Variants in COG5 observed in about 807,000 individuals in gnomAD.
The protein encoded by COG5 is conserved oligomeric Golgi complex subunit 5.
Under a neutral mutation model 110.4 loss-of-function variants are expected in COG5, and 86 were observed. The ratio of observed to expected loss-of-function variants is 0.78; its 90% CI spans 0.65 to 0.93. The LOEUF is 0.93. COG5 is among the 40% of genes least tolerant of loss of function. The pLI, the probability that COG5 is intolerant of heterozygous loss-of-function variation, is 0.00. For synonymous variants in COG5, 360 were observed against 334.6 expected, an observed-to-expected ratio of 1.08 and a Z score of -0.83; for missense variants, 1,077 against 987.0, an observed-to-expected ratio of 1.09 and a Z score of -1.22.
chr7:107,290,434 T>C (rs954073821), intron 12 of COG5, among the ~76,000 whole-genome samples: 1 of 152,212 alleles, frequency 6.6e-6, no homozygotes, highest in African/African-American at 2.4e-5. Flanking sequence ...ATACAGTCGA[T>C]ACATATTATT....
intron 19 of COG5, among the ~76,000 whole-genome samples, chr7:107,229,374 G>A (rs1344735285): frequency 1.3e-5 from 2 of 152,052 alleles, no homozygotes; most frequent in African/African-American, 2.4e-5. Flanking sequence ...GCTTGAACCC[G>A]GGAGGTGGAA....
intron 7 of COG5, among the ~76,000 whole-genome samples, chr7:107,411,212 G>A (rs188875440): frequency 4.1e-4 from 63 of 152,220 alleles, no homozygotes; most frequent in Admixed American, 2.4e-3. Context: ...CAAATCCAGC[G>A]GCCACTTCTT....
chr7:107,367,585 C>T (rs1385945121), intron 8 of COG5, among the ~76,000 whole-genome samples: 2 of 151,758 alleles, frequency 1.3e-5, no homozygotes, highest in Non-Finnish European at 2.9e-5. Flanking sequence ...CACACACACA[C>T]CATGGAACAC....
intron 7 of COG5, among the ~76,000 whole-genome samples, chr7:107,390,100 G>C (rs1001019488): frequency 1.3e-5 from 2 of 152,132 alleles, no homozygotes; most frequent in Non-Finnish European, 2.9e-5. Context: ...TGGTATTAAG[G>C]AGACAATCTG....
At chr7:107,480,824 C>T (rs1431765563) in intron 6 of COG5, 1 of 152,062 alleles carries the variant, frequency 6.6e-6, no homozygotes, top group Non-Finnish European at 1.5e-5. Context: ...GGGCTTACCA[C>T]TAATACAAAA....
At chr7:107,414,746 G>C (rs1472641720) in intron 6 of COG5, among the ~76,000 whole-genome samples, 1 of 66,818 alleles carries the variant, frequency 1.5e-5, no homozygotes, top group East Asian at 5.9e-4. Flanking sequence ...TTTTTTTTCC[G>C]AGACTCAGTC....
intron 7 of COG5, among the ~76,000 whole-genome samples, chr7:107,407,378 A>G (rs1791929755): frequency 1.3e-5 from 2 of 152,152 alleles, no homozygotes; most frequent in Non-Finnish European, 2.9e-5. Context: ...GCAAAACTCC[A>G]TCTCAAAAAA....
intron 7 of COG5, among the ~76,000 whole-genome samples, chr7:107,406,522 T>C (rs183666561): frequency 5.3e-5 from 8 of 152,186 alleles, no homozygotes; most frequent in Admixed American, 4.6e-4. Flanking sequence ...CAAAGAAAAG[T>C]CAAACTTGAC....
At chr7:107,516,224 C>T (rs62483685) in intron 6 of COG5, among the ~76,000 whole-genome samples, 14,520 of 152,120 alleles carry the variant, frequency 0.095, 994 homozygotes, top group Admixed American at 0.2. Context: ...TTCCCTAATG[C>T]CTAACGATGT....
Position 107,301,486 on chromosome 7 carries a change from T to A in COG5, c.1109-3140A>T, listed in dbSNP as rs1280637129. Among the ~76,000 whole-genome samples, 4 of 152,008 alleles carry A rather than the reference T, an allele frequency of 2.6e-5. No homozygotes were observed. In the East Asian group the frequency reaches 7.7e-4, roughly 29 times the overall value. ...ATGGCAAACAAACACATGAAAAAAA[T>A]ACTCAACCTCTTTAGTCAATAGGGA... On this transcript the variant is annotated intron_variant, in intron 11 of 21. Coordinates refer to ENST00000297135, the MANE Select transcript of COG5 (RefSeq NM_006348.5).
intron 6 of COG5, among the ~76,000 whole-genome samples, chr7:107,509,067 G>C (rs966861629): frequency 3.3e-5 from 5 of 152,192 alleles, no homozygotes; most frequent in Admixed American, 1.3e-4. Context: ...GACGTGTTGA[G>C]AGAAGAAGGC....
intron 19 of COG5, among the ~76,000 whole-genome samples, chr7:107,219,596 C>T (rs542817539): frequency 1.3e-5 from 2 of 152,188 alleles, no homozygotes; most frequent in South Asian, 2.1e-4. Flanking sequence ...AACACAAATA[C>T]CACATGGTCT....
intron 11 of COG5, among the ~76,000 whole-genome samples, chr7:107,311,303 A>G (rs1489771250): frequency 1.3e-5 from 2 of 149,368 alleles, no homozygotes; most frequent in Non-Finnish European, 3.0e-5. Context: ...GATTTGATAG[A>G]TGAGAAATAA....
intron 10 of COG5, among the ~76,000 whole-genome samples, chr7:107,348,760 T>G (rs951098831): frequency 6.6e-6 from 1 of 152,320 alleles, no homozygotes; most frequent in East Asian, 1.9e-4. Context: ...TGAAAGTAAG[T>G]TGCACACATC....
At chr7:107,208,480 G>C (rs1798927082) in intron 21 of COG5, 9 of 985,278 alleles carry the variant, frequency 9.1e-6, no homozygotes, top group Non-Finnish European at 9.6e-6. Context: ...AAATGAACGT[G>C]TTCAATTAAC....
chr7:107,459,370 T>G (rs1795853034), intron 6 of COG5, among the ~76,000 whole-genome samples: 1 of 151,954 alleles, frequency 6.6e-6, no homozygotes, highest in African/African-American at 2.4e-5. Context: ...TAAATGTGCA[T>G]GCACCCGATA....
At chr7:107,259,991 TGGA>T (rs1803200755) in intron 14 of COG5, among the ~76,000 whole-genome samples, 1 of 151,474 alleles carries the variant, frequency 6.6e-6, no homozygotes, top group Middle Eastern at 3.2e-3. Flanking sequence ...AATGTAAAAT[TGGA>T]GGAGCTGCTT....
At chr7:107,541,287 A>G (rs908425571) in intron 5 of COG5, among the ~76,000 whole-genome samples, 32 of 151,816 alleles carry the variant, frequency 2.1e-4, no homozygotes, top group Non-Finnish European at 4.7e-4. Flanking sequence ...GCTTGACCTC[A>G]GGAGTTCGAG....
At chr7:107,373,818 A>G (rs1814399378) in intron 7 of COG5, among the ~76,000 whole-genome samples, 1 of 152,196 alleles carries the variant, frequency 6.6e-6, no homozygotes, top group Admixed American at 6.5e-5. Context: ...TCAGAGACAC[A>G]TGGTTAAAAT....
Sources: gnomAD v4.1 joint callset for allele counts (sites outside exome capture counted in the v4.1 genomes callset) on GRCh38, gnomAD v4.1.1 for gene constraint, MANE v1.5 for transcripts, NCBI Gene and HGNC (gene_info 2026-07-23, HGNC 2026-07-21) for gene names.